DTD1: variants seen among roughly 807,000 people sequenced by gnomAD.
DTD1 encodes the protein D-tyrosyl-tRNA deacylase 1 homolog.
Under a neutral mutation model 25.6 loss-of-function variants are expected in DTD1, and 13 were observed. That is an observed-to-expected ratio of 0.51 (90% CI 0.33 to 0.81). The LOEUF is 0.81. DTD1 is among the 30% of genes least tolerant of loss of function. The pLI, the probability that DTD1 is intolerant of heterozygous loss-of-function variation, is 0.02. For synonymous variants in DTD1, 110 were observed against 103.6 expected, an observed-to-expected ratio of 1.06 and a Z score of -0.37; for missense variants, 193 against 266.4, an observed-to-expected ratio of 0.72 and a Z score of 1.92.
intron 3 of DTD1, among the ~76,000 whole-genome samples, chr20:18,612,768 C>G (rs1009493958): frequency 1.3e-5 from 2 of 152,072 alleles, no homozygotes; most frequent in African/African-American, 4.8e-5. Context: ...AAGCGATTCT[C>G]CTGCCTCAGC....
chr20:18,592,457 A>C lies in DTD1; in HGVS notation c.44-1274A>C, dbSNP rs556269105. ...ACCTGCTGTCATACCAAAGTTCTGC[A>C]TCAATATGGTGAGTTCCCAGGACCA... is the stretch of plus-strand genomic sequence containing the variant. On this transcript the variant is annotated intron_variant, in intron 1 of 5. Transcript: ENST00000377452. 2.0e-5 allele frequency: 3 copies of C among 152,190 alleles called. No homozygotes were observed. In the South Asian group the frequency reaches 6.2e-4, roughly 32 times the overall value. 9.4% of individuals were successfully genotyped at this position (152,190 alleles called of 1,614,324 possible).
At chr20:18,643,625 G>A in intron 4 of DTD1, 1 of 153,948 alleles carries the variant, frequency 6.5e-6, no homozygotes, top group Non-Finnish European at 1.5e-5. Context: ...CTTCAGCCAT[G>A]CTGGAAGAGA....
At chr20:18,610,293 A>T (rs118111502) in intron 3 of DTD1, among the ~76,000 whole-genome samples, 2 of 152,230 alleles carry the variant, frequency 1.3e-5, no homozygotes, top group East Asian at 3.9e-4. Context: ...GGGTCTTGCT[A>T]TGTTACTTAG....
chr20:18,667,423 A>C (rs764231932), intron 4 of DTD1, among the ~76,000 whole-genome samples: 2 of 152,140 alleles, frequency 1.3e-5, no homozygotes, highest in Non-Finnish European at 2.9e-5. Context: ...TCCAGAGCTG[A>C]AAGATCGCTG....
chr20:18,685,919 G>A (rs2061014906), intron 4 of DTD1, among the ~76,000 whole-genome samples: 1 of 152,180 alleles, frequency 6.6e-6, no homozygotes, highest in Non-Finnish European at 1.5e-5. Context: ...CTTGCCCAGA[G>A]AAAGTCCTGT....
intron 3 of DTD1, among the ~76,000 whole-genome samples, chr20:18,616,381 T>G (rs2060709049): frequency 6.6e-6 from 1 of 152,196 alleles, no homozygotes; most frequent in Non-Finnish European, 1.5e-5. Flanking sequence ...CTTTCGTTAT[T>G]AAACCCTGTC....
At chr20:18,687,303 G>A (rs1416409668) in intron 4 of DTD1, among the ~76,000 whole-genome samples, 2 of 152,222 alleles carry the variant, frequency 1.3e-5, no homozygotes, top group African/African-American at 4.8e-5. Flanking sequence ...GAGGGTGGCA[G>A]TGTTGGTGGA....
At chr20:18,761,055 T>C (rs537915160) in intron 5 of DTD1, among the ~76,000 whole-genome samples, 2 of 152,204 alleles carry the variant, frequency 1.3e-5, no homozygotes, top group African/African-American at 4.8e-5. Flanking sequence ...TATAATCTCC[T>C]GGTGTGCCGT....
At chr20:18,649,021 C>CAAAAAAAAAAAAAAAAAAAAAAAAAAAAA (rs2060862261) in intron 4 of DTD1, among the ~76,000 whole-genome samples, 1 of 102,630 alleles carries the variant, frequency 9.7e-6, no homozygotes, top group South Asian at 3.0e-4. Flanking sequence ...AAAAAAAAAG[C>CAAAAAAAAAAAAAAAAAAAAAAAAAAAAA]AAATTTAACT....
intron 4 of DTD1, among the ~76,000 whole-genome samples, chr20:18,738,983 G>A (rs1368975334): frequency 6.6e-6 from 1 of 152,240 alleles, no homozygotes. Flanking sequence ...GGTAGCGCTT[G>A]TCCTCTGCAG....
At chr20:18,679,217 C>G (rs141344535) in intron 4 of DTD1, among the ~76,000 whole-genome samples, 1 of 152,144 alleles carries the variant, frequency 6.6e-6, no homozygotes, top group East Asian at 1.9e-4. Context: ...GCCTGACAAC[C>G]GTTGCTATGG....
chr20:18,668,812 C>G (rs1341819783), intron 4 of DTD1, among the ~76,000 whole-genome samples: 1 of 152,204 alleles, frequency 6.6e-6, no homozygotes, highest in Non-Finnish European at 1.5e-5. Context: ...CCAGATTTTT[C>G]TGCCTCTCAA....
intron 5 of DTD1, among the ~76,000 whole-genome samples, chr20:18,756,369 G>A (rs2122536893): frequency 6.6e-6 from 1 of 152,274 alleles, no homozygotes; most frequent in African/African-American, 2.4e-5. Flanking sequence ...GAATTGTATT[G>A]CCTAGGTTTT....
At chr20:18,640,421 G>A (rs1428659237) in intron 4 of DTD1, among the ~76,000 whole-genome samples, 5 of 151,872 alleles carry the variant, frequency 3.3e-5, no homozygotes, top group East Asian at 3.9e-4. Flanking sequence ...AGGTAGCGCC[G>A]TTAATAAGTT....
At position 18,744,182 on chromosome 20, in the gene DTD1, C is replaced by T. The variant is rs763002844; in HGVS notation, c.560C>T (p.Thr187Ile). The T allele has an allele frequency of 1.2e-6, 2 of 1,612,374 alleles. No homozygotes were observed. The highest frequency in any genetic ancestry group is 1.7e-5 in the Admixed American group (1 of 60,030). The change falls in exon 5 of 6, where the codon ACT becomes ATT. Residue 187 changes from threonine (T) to isoleucine (I), a missense_variant. By Grantham distance (89) the Thr-to-Ile change is moderately conservative (BLOSUM62 -1). Transcript: ENST00000377452. ...TCTGAATCAAGCAAGGAAAGAAACA[C>T]TCCCCGAAAAGAAGACCGCAGTGCC... ...GPSESSKERNTPRKEDRSASS... is the reference protein window; with the variant it reads ...GPSESSKERNIPRKEDRSASS...
chr20:18,738,770 A>G (rs1444365683), intron 4 of DTD1, among the ~76,000 whole-genome samples: 2 of 152,188 alleles, frequency 1.3e-5, no homozygotes, highest in Non-Finnish European at 2.9e-5. Context: ...GGGGCTGGGA[A>G]GATGAGTAGC....
chr20:18,736,170 T>C (rs2061254324), intron 4 of DTD1, among the ~76,000 whole-genome samples: 1 of 152,184 alleles, frequency 6.6e-6, no homozygotes, highest in Admixed American at 6.5e-5. Flanking sequence ...AATGGCCTGG[T>C]AAACTTGGGT....
At chr20:18,630,938 C>A in intron 4 of DTD1, 1 of 361,780 alleles carries the variant, frequency 2.8e-6, no homozygotes, top group Non-Finnish European at 3.8e-6. Context: ...CATAGTGCAT[C>A]CTACCAGGAG....
intron 4 of DTD1, among the ~76,000 whole-genome samples, chr20:18,701,338 A>AG (rs971366859): frequency 6.6e-6 from 1 of 152,258 alleles, no homozygotes; most frequent in African/African-American, 2.4e-5. Context: ...CACCCCAATA[A>AG]GGGGGGCATA....
Sources: allele counts gnomAD v4.1 joint callset (sites outside exome capture counted in the v4.1 genomes callset), GRCh38; gene constraint gnomAD v4.1.1; transcripts MANE v1.5; gene names NCBI Gene and HGNC (gene_info 2026-07-23, HGNC 2026-07-21).